AKT2: variants seen among roughly 807,000 people sequenced by gnomAD.
AKT2 encodes the protein AKT serine/threonine kinase 2.
Under a neutral mutation model 58.6 loss-of-function variants are expected in AKT2, and 16 were observed. The ratio of observed to expected loss-of-function variants is 0.27; its 90% CI spans 0.18 to 0.41. The LOEUF (loss-of-function observed/expected upper bound fraction) is 0.41. AKT2 is among the 10% of genes least tolerant of loss of function. AKT2 has a pLI of 1.00. For synonymous variants in AKT2, 253 were observed against 254.0 expected, an observed-to-expected ratio of 1.00 and a Z score of 0.04; for missense variants, 438 against 661.0, an observed-to-expected ratio of 0.66 and a Z score of 3.70.
At chr19:40,271,268 T>C (rs190812591) in intron 1 of AKT2, among the ~76,000 whole-genome samples, 47 of 144,588 alleles carry the variant, frequency 3.3e-4, no homozygotes, top group Non-Finnish European at 1.7e-4. Context: ...TATACATATA[T>C]ATATATATAG....
chr19:40,280,215 G>C (rs887289375), intron 1 of AKT2, among the ~76,000 whole-genome samples: 1 of 152,224 alleles, frequency 6.6e-6, no homozygotes, highest in African/African-American at 2.4e-5. Context: ...TATCAGGTGT[G>C]ACTGCTGCCC....
intron 1 of AKT2, among the ~76,000 whole-genome samples, chr19:40,272,930 A>G (rs866987537): frequency 2.6e-5 from 4 of 152,178 alleles, no homozygotes; most frequent in African/African-American, 4.8e-5. Context: ...CCTCATCTGT[A>G]TATTAGAGAT....
intron 1 of AKT2, among the ~76,000 whole-genome samples, chr19:40,272,292 A>AAGCCTCCG (rs1490970899): frequency 6.6e-6 from 1 of 152,164 alleles, no homozygotes; most frequent in Non-Finnish European, 1.5e-5. Context: ...CTAGACTCCC[A>AAGCCTCCG]AGCCTCCGTT....
At chr19:40,267,501 G>C (rs935884770) in intron 1 of AKT2, among the ~76,000 whole-genome samples, 1 of 152,134 alleles carries the variant, frequency 6.6e-6, no homozygotes, top group Non-Finnish European at 1.5e-5. Context: ...AGCTAAACCA[G>C]TGCCTCCTCC....
Position 40,234,721 on chromosome 19 carries a change from A to C in AKT2, c.1366+324T>G. 3.3e-6 allele frequency: 2 copies of C among 600,488 alleles called. No individual in the cohort carries two copies. Among genetic ancestry groups the C allele is most frequent in the Non-Finnish European group, 3.0e-6 (1 of 337,882 alleles). The allele number at this position is 600,488 out of a possible 1,614,324, so 37.2% of individuals were successfully genotyped here. A position where few individuals can be genotyped will look rare whatever the true frequency, so the allele number is the denominator to read the frequency against. On this transcript the variant is annotated intron_variant, in intron 13 of 13. Transcript: ENST00000392038. The surrounding 1 kb of genome is among the most constrained non-coding windows in gnomAD (Gnocchi z 4.7). ...CTGGCTCAATCAGTGCTGTGTCCCC[A>C]GCATAGCCCAGCCCTGGGCTGAGTT...
chr19:40,242,619 G>T lies in AKT2; in HGVS notation c.356C>A (p.Pro119His). 1 of 1,613,782 alleles carries T rather than the reference G, an allele frequency of 6.2e-7. No individual in the cohort carries two copies. Residue 119 changes from proline (P) to histidine (H), a missense_variant, in exon 5 of 14, where the codon CCC (proline) becomes CAC (histidine). Transcript: ENST00000392038. The surrounding 1 kb of genome is among the most constrained non-coding windows in gnomAD (Gnocchi z 4.3). Reference sequence around the variant, plus strand: ...GGGGGAGCCACACTTGTAGTCCATGGGGTCCTCGCCTGGGGCCCGCTGCTT... The same window carrying T: ...GGGGGAGCCACACTTGTAGTCCATGTGGTCCTCGCCTGGGGCCCGCTGCTT... ...SLKQRAPGED[P>H]MDYKCGSPSD...
chr19:40,238,018 G>A lies in AKT2; in HGVS notation c.782C>T (p.Ser261Leu), dbSNP rs747207035. The A allele has an allele frequency of 7.4e-6, 12 of 1,612,804 alleles. No homozygotes were observed. Among genetic ancestry groups the A allele is most frequent in the Non-Finnish European group, 9.3e-6 (11 of 1,179,582 alleles). Residue 261 changes from serine (S) to leucine (L), a missense_variant, in exon 9 of 14, where the codon TCG becomes TTG. This residue lies in a region of AKT2 where 46 missense variants were observed against 114.5 expected (regional missense o/e 0.40). Coordinates refer to ENST00000392038, the MANE Select transcript of AKT2 (RefSeq NM_001626.6). This position sits in a 1 kb window ranked among gnomAD's most constrained non-coding sequence, Gnocchi z 5.1. ...RARFYGAEIVSALEYLHSRDV... is the reference protein window; with the variant it reads ...RARFYGAEIVLALEYLHSRDV... Reference sequence around the variant, plus strand: ...CCGCGAGTGCAAGTACTCAAGAGCCGAGACAATCTCTGCACCATAAAACCG... The same window carrying A: ...CCGCGAGTGCAAGTACTCAAGAGCCAAGACAATCTCTGCACCATAAAACCG...
chr19:40,272,548 CCT>C (rs1411025547), intron 1 of AKT2, among the ~76,000 whole-genome samples: 1 of 152,178 alleles, frequency 6.6e-6, no homozygotes, highest in African/African-American at 2.4e-5. Flanking sequence ...ACACACACGC[CCT>C]GTCACCTCAA....
chr19:40,285,147 G>T, intron 1 of AKT2, 34 bp downstream of exon 1: 1 of 392,922 alleles, frequency 2.5e-6, no homozygotes, highest in Non-Finnish European at 4.5e-6. Flanking sequence ...CCATCGTGGG[G>T]GGGGCGTTCG....
In AKT2 at chr19:40,256,878, G is replaced by A. The variant is rs1047340421; in HGVS notation, c.175+48C>T. 4 of 1,612,716 alleles carry A rather than the reference G, an allele frequency of 2.5e-6. No individual in the cohort carries two copies. The African/African-American group carries it at 4.0e-5, about 16-fold the overall frequency. Reference sequence around the variant, plus strand: ...TCCCACAAGCCCCTAAGACGTGCCAGCCATCCTGTGAGCACCAGAACACTG... The same window carrying A: ...TCCCACAAGCCCCTAAGACGTGCCAACCATCCTGTGAGCACCAGAACACTG... On this transcript the variant is annotated intron_variant, in intron 3 of 13. Transcript: ENST00000392038.
rs1974743212 is a variant in AKT2 at position 40,246,174 on chromosome 19, G to GT, written c.288-3488dup. Among the ~76,000 whole-genome samples the GT allele has an allele frequency of 5.4e-5, 8 of 148,548 alleles. No individual in the cohort carries two copies. The South Asian group carries it at 1.7e-3, about 32-fold the overall frequency. Reference sequence around the variant, plus strand: ...GCTTTTTTCTTTTTTGTTTCTTTTTGTTTTTGGAGACAGAGTCTCGCTTTG... The same window carrying GT: ...GCTTTTTTCTTTTTTGTTTCTTTTTGTTTTTTGGAGACAGAGTCTCGCTTTG... On this transcript the variant is annotated intron_variant, in intron 4 of 13. Coordinates refer to ENST00000392038, the MANE Select transcript of AKT2 (RefSeq NM_001626.6).
rs1361025807 is a variant in AKT2, at chr19:40,240,118, C to T, written c.574-8G>A. The T allele has an allele frequency of 1.9e-6, 3 of 1,613,994 alleles. No homozygotes were observed. The highest frequency in any genetic ancestry group is 2.5e-6 in the Non-Finnish European group (3 of 1,180,030). On this transcript the variant is annotated splice_region_variant and splice_polypyrimidine_tract_variant and intron_variant, in intron 6 of 13. Coordinates refer to ENST00000392038, the MANE Select transcript of AKT2 (RefSeq NM_001626.6). The stretch of plus-strand genomic sequence containing the variant: ...TGTGTGAGCGACTTCATCCTGCAGA[C>T]AGACTGCGGGTGAGGGGCTGGTGGG...
At chr19:40,239,865 G>A (rs551301156) in intron 7 of AKT2, 180 bp downstream of exon 7, 129 of 755,632 alleles carry the variant, frequency 1.7e-4, no homozygotes, top group Admixed American at 9.8e-4. Flanking sequence ...CCCACTCCCC[G>A]AGCCTGCTCA....
intron 1 of AKT2, among the ~76,000 whole-genome samples, chr19:40,276,283 C>T (rs989127126): frequency 2.0e-5 from 3 of 150,224 alleles, no homozygotes; most frequent in African/African-American, 2.4e-5. Context: ...CCTGACTCTA[C>T]CACTTCCAGG....
intron 6 of AKT2, among the ~76,000 whole-genome samples, chr19:40,240,477 G>A (rs1323310303): frequency 2.0e-5 from 3 of 152,214 alleles, no homozygotes; most frequent in Non-Finnish European, 4.4e-5. Flanking sequence ...CCCAAAGAAG[G>A]AAAAACAGTG....
intron 1 of AKT2, among the ~76,000 whole-genome samples, chr19:40,283,543 T>C (rs1388630127): frequency 1.6e-4 from 25 of 152,124 alleles, no homozygotes; most frequent in Non-Finnish European, 5.9e-5. Context: ...TCTGACCACA[T>C]CACCAGCCCA....
intron 1 of AKT2, among the ~76,000 whole-genome samples, chr19:40,275,775 G>GGGT (rs2077307977): frequency 1.0e-5 from 1 of 95,964 alleles, no homozygotes; most frequent in African/African-American, 3.7e-5. Context: ...GGGGGGGGGG[G>GGGT]GGGTGGGCGG....
rs938886418 is a variant in AKT2, at chr19:40,285,285, C to CCGGCAG, written c.-195_-190dup. ...GTGTTTCCCGGCAGCGGCAACGGCG[C>CCGGCAG]CGGCAGCGGCAGCGGCGGCGGCGAC... On this transcript the variant is annotated 5_prime_UTR_variant, in exon 1 of 14. Coordinates refer to ENST00000392038, the MANE Select transcript of AKT2 (RefSeq NM_001626.6). 2.3e-5 allele frequency: 9 copies of CCGGCAG among 395,118 alleles called. No individual in the cohort carries two copies. Among genetic ancestry groups the CCGGCAG allele is most frequent in the South Asian group, 2.6e-4 (2 of 7,836 alleles). 24.5% of individuals were successfully genotyped at this position (395,118 alleles called of 1,614,324 possible).
intron 6 of AKT2, chr19:40,240,758 C>T (rs955171460): frequency 5.8e-6 from 1 of 172,420 alleles, no homozygotes; most frequent in Non-Finnish European, 1.3e-5. Flanking sequence ...CCAGGGGACA[C>T]CTGAGAATGT....
Sources: allele counts gnomAD v4.1 joint callset (sites outside exome capture counted in the v4.1 genomes callset), GRCh38; gene constraint gnomAD v4.1.1; regional missense constraint gnomAD v4.1.1; non-coding constraint Gnocchi (gnomAD v3.1); transcripts MANE v1.5; gene names NCBI Gene and HGNC (gene_info 2026-07-23, HGNC 2026-07-21).